The following QNG1 variants were observed in gnomAD, a reference collection of about 807,000 sequenced individuals.
QNG1 encodes the protein queuosine 5'-phosphate N-glycosylase/hydrolase.
the QNG1 span, chr9:83,944,845 G>A: frequency 6.2e-7 from 1 of 1,613,848 alleles, no homozygotes; most frequent in Non-Finnish European, 8.5e-7. Flanking sequence ...GCTCCAAGAT[G>A]AGCAAGAACC....
the QNG1 span, among the ~76,000 whole-genome samples, chr9:83,948,757 C>A: frequency 6.6e-6 from 1 of 152,348 alleles, no homozygotes; most frequent in Admixed American, 6.5e-5. Flanking sequence ...AAGAAAAATT[C>A]TTCTGCCTTG....
chr9:83,950,210 T>C, the QNG1 span, among the ~76,000 whole-genome samples: 2 of 151,930 alleles, frequency 1.3e-5, no homozygotes, highest in Admixed American at 1.3e-4. Context: ...CCAACACGCC[T>C]GGCTAATTTT....
the QNG1 span, among the ~76,000 whole-genome samples, chr9:83,942,978 A>G: frequency 6.6e-6 from 1 of 152,168 alleles, no homozygotes; most frequent in Non-Finnish European, 1.5e-5. Context: ...AAAACTGAGA[A>G]GGAGATGGAC....
chr9:83,951,725 A>G, the QNG1 span, among the ~76,000 whole-genome samples: 2 of 152,228 alleles, frequency 1.3e-5, no homozygotes, highest in Non-Finnish European at 2.9e-5. Flanking sequence ...ATTACTCTAA[A>G]TCAGAGTAAC....
At chr9:83,946,943 T>C in the QNG1 span, among the ~76,000 whole-genome samples, 4 of 151,628 alleles carry the variant, frequency 2.6e-5, no homozygotes, top group Admixed American at 2.0e-4. Flanking sequence ...TGGTGGCACG[T>C]GCCTGTAGTC....
At chr9:83,954,821 A>AGT in the QNG1 span, among the ~76,000 whole-genome samples, 1 of 127,462 alleles carries the variant, frequency 7.8e-6, no homozygotes, top group African/African-American at 3.0e-5. Context: ...CGGAGTTTGC[A>AGT]GTGAGCCAAG....
chr9:83,949,034 T>C, the QNG1 span, among the ~76,000 whole-genome samples: 2 of 122,958 alleles, frequency 1.6e-5, no homozygotes, highest in Non-Finnish European at 1.6e-5. Context: ...CCCTCCACTA[T>C]TGTCGATGAC....
the QNG1 span, among the ~76,000 whole-genome samples, chr9:83,955,113 C>A: frequency 6.6e-6 from 1 of 151,980 alleles, no homozygotes; most frequent in East Asian, 1.9e-4. Context: ...GCAGGAGAAT[C>A]GCTTGAACCC....
At chr9:83,947,624 C>T in the QNG1 span, among the ~76,000 whole-genome samples, 1 of 152,234 alleles carries the variant, frequency 6.6e-6, no homozygotes, top group African/African-American at 2.4e-5. Context: ...CCTGATTCTC[C>T]TGCCTCAGAC....
chr9:83,950,115 T>C, the QNG1 span, among the ~76,000 whole-genome samples: 1 of 150,810 alleles, frequency 6.6e-6, no homozygotes, highest in Non-Finnish European at 1.5e-5. Flanking sequence ...AATGGTGCAA[T>C]CTCGGCTCAC....
chr9:83,955,092 G>C, the QNG1 span, among the ~76,000 whole-genome samples: 1 of 150,834 alleles, frequency 6.6e-6, no homozygotes, highest in Admixed American at 6.6e-5. Flanking sequence ...CAAGCTACTC[G>C]GGAGGCTGAG....
chr9:83,956,654 G>A, the QNG1 span: 1 of 591,490 alleles, frequency 1.7e-6, no homozygotes, highest in Non-Finnish European at 2.8e-6. Context: ...GTGCAGCCAA[G>A]GTAAAGGTTC....
the QNG1 span, among the ~76,000 whole-genome samples, chr9:83,948,787 A>G: frequency 1.3e-5 from 2 of 151,328 alleles, no homozygotes; most frequent in Non-Finnish European, 2.9e-5. Context: ...TAATCTATAA[A>G]CTTACCCCCA....
At chr9:83,953,452 G>A in the QNG1 span, among the ~76,000 whole-genome samples, 7 of 147,940 alleles carry the variant, frequency 4.7e-5, no homozygotes, top group African/African-American at 1.8e-4. Flanking sequence ...GGTTCAAGTG[G>A]TTCTCCTGCC....
chr9:83,943,794 G>C, the QNG1 span, among the ~76,000 whole-genome samples: 1 of 149,812 alleles, frequency 6.7e-6, no homozygotes, highest in African/African-American at 2.5e-5. Flanking sequence ...GGCCGAGGTG[G>C]GTGGATCACA....
the QNG1 span, among the ~76,000 whole-genome samples, chr9:83,948,290 T>TGGGAAGTGAGGAGCCCCTCCGCCC: frequency 2.7e-5 from 4 of 147,566 alleles, no homozygotes; most frequent in African/African-American, 9.9e-5. Context: ...CCGCCCCGCC[T>TGGGAAGTGAGGAGCCCCTCCGCCC]GGGAAGTGAG....
the QNG1 span, among the ~76,000 whole-genome samples, chr9:83,947,848 G>A: frequency 6.6e-6 from 1 of 152,210 alleles, no homozygotes; most frequent in African/African-American, 2.4e-5. Flanking sequence ...GCAGTAGCGT[G>A]ATCTCGACTC....
chr9:83,949,590 G>C, the QNG1 span, among the ~76,000 whole-genome samples: 4 of 152,238 alleles, frequency 2.6e-5, no homozygotes, highest in South Asian at 8.3e-4. Flanking sequence ...AAGTTGTGAT[G>C]AGCCGAGTTC....
chr9:83,942,963 C>T, the QNG1 span, among the ~76,000 whole-genome samples: 5 of 152,020 alleles, frequency 3.3e-5, no homozygotes, highest in Non-Finnish European at 7.4e-5. Flanking sequence ...CAATTAAGTG[C>T]CATAAAAACT....
Sources: allele counts gnomAD v4.1 joint callset (sites outside exome capture counted in the v4.1 genomes callset), GRCh38; gene constraint gnomAD v4.1.1; transcripts MANE v1.5; gene names NCBI Gene and HGNC (gene_info 2026-07-23, HGNC 2026-07-21).